Variants in FAM120A observed in about 807,000 individuals in gnomAD.
The protein encoded by FAM120A is constitutive coactivator of PPAR-gamma-like protein 1.
Under a neutral mutation model 109.7 loss-of-function variants are expected in FAM120A, and 15 were observed. The observed-to-expected ratio is 0.14, with a 90% CI of 0.09 to 0.21. FAM120A has a LOEUF of 0.21. FAM120A is among the 10% of genes least tolerant of loss of function. FAM120A has a pLI of 1.00. For synonymous variants in FAM120A, 493 were observed against 572.8 expected, an observed-to-expected ratio of 0.86 and a Z score of 1.99; for missense variants, 899 against 1,439.3, an observed-to-expected ratio of 0.62 and a Z score of 6.07.
At position 93,498,844 on chromosome 9, in the gene FAM120A, G is replaced by T. The variant is rs144744529; in HGVS notation, c.988G>T (p.Ala330Ser). Residue 330 changes from alanine to serine, a missense_variant, in exon 5 of 18, where the codon GCG becomes TCG. Coordinates refer to ENST00000277165, the MANE Select transcript of FAM120A (RefSeq NM_014612.5). The surrounding 1 kb of genome is among the most constrained non-coding windows in gnomAD (Gnocchi z 4.4). Reference sequence around the variant, plus strand: ...TAAGAGAGCAATTGGATATTATTCAGCGACTAGTAAGCCTATGTCATTTCA... The same window carrying T: ...TAAGAGAGCAATTGGATATTATTCATCGACTAGTAAGCCTATGTCATTTCA... ...RFKRAIGYYS[A>S]TSKPMSFHPP... is the part of the protein sequence containing the mutation. 1.2e-5 allele frequency: 20 copies of T among 1,612,606 alleles called. No homozygotes were observed. In the African/African-American group the frequency reaches 2.4e-4, roughly 19 times the overall value.
At chr9:93,480,701 C>T (rs578196775) in intron 3 of FAM120A, among the ~76,000 whole-genome samples, 52 of 152,056 alleles carry the variant, frequency 3.4e-4, no homozygotes, top group African/African-American at 1.2e-3. Flanking sequence ...TAAACTTTTT[C>T]CAATGGCAAT....
At chr9:93,464,004 A>G (rs2131227067) in intron 1 of FAM120A, among the ~76,000 whole-genome samples, 1 of 152,360 alleles carries the variant, frequency 6.6e-6, no homozygotes, top group Non-Finnish European at 1.5e-5. Context: ...ATAGAGGAAT[A>G]CTATTATTCT....
chr9:93,475,729 G>A (rs988006537), intron 2 of FAM120A, among the ~76,000 whole-genome samples: 1 of 152,190 alleles, frequency 6.6e-6, no homozygotes, highest in African/African-American at 2.4e-5. Flanking sequence ...ACATATGTTT[G>A]TGGGTGGTGA....
intron 11 of FAM120A, among the ~76,000 whole-genome samples, chr9:93,548,287 T>G (rs563435600): frequency 2.0e-5 from 3 of 152,226 alleles, no homozygotes; most frequent in African/African-American, 7.2e-5. Flanking sequence ...TGTTTTTGTA[T>G]TTTTAGTAGA....
At chr9:93,513,257 G>A (rs1388504630) in intron 5 of FAM120A, among the ~76,000 whole-genome samples, 1 of 152,224 alleles carries the variant, frequency 6.6e-6, no homozygotes, top group Non-Finnish European at 1.5e-5. Flanking sequence ...ACGTGGAGGT[G>A]CAGATCTAGC....
chr9:93,514,555 T>C (rs1860479950), intron 5 of FAM120A, among the ~76,000 whole-genome samples: 1 of 152,204 alleles, frequency 6.6e-6, no homozygotes, highest in Admixed American at 6.5e-5. Flanking sequence ...TCTTCAGCAG[T>C]GTGCATCTTA....
chr9:93,480,996 C>G (rs1312745323), intron 3 of FAM120A, among the ~76,000 whole-genome samples: 1 of 152,238 alleles, frequency 6.6e-6, no homozygotes, highest in African/African-American at 2.4e-5. Flanking sequence ...AGCATGGGCT[C>G]CAGTCCCAAG....
chr9:93,493,257 C>G (rs1476572133), intron 3 of FAM120A, among the ~76,000 whole-genome samples: 1 of 152,138 alleles, frequency 6.6e-6, no homozygotes, highest in Non-Finnish European at 1.5e-5. Flanking sequence ...GCATTGTGTT[C>G]AAACCAAAGT....
At position 93,554,541 on chromosome 9, in the gene FAM120A, C is replaced by T. The variant is rs897275396; in HGVS notation, c.2275-1841C>T. On this transcript the variant is annotated intron_variant, in intron 12 of 17. Transcript: ENST00000277165. ...TACAAAAATCAGCCAGGCATGGTGG[C>T]GCACGTCTGTAATCCCAGCTACTAA... 5.9e-5 allele frequency among the ~76,000 whole-genome samples: 9 copies of T among 152,182 alleles called. No individual in the cohort carries two copies. The East Asian group carries it at 1.4e-3, about 23-fold the overall frequency.
chr9:93,478,502 A>T (rs1417642253), intron 3 of FAM120A, among the ~76,000 whole-genome samples: 2 of 151,992 alleles, frequency 1.3e-5, no homozygotes, highest in Admixed American at 6.6e-5. Flanking sequence ...TTTGAGACAG[A>T]GTCTTGCTCT....
At chr9:93,536,803 A>T (rs895644544) in intron 10 of FAM120A, among the ~76,000 whole-genome samples, 2 of 152,244 alleles carry the variant, frequency 1.3e-5, no homozygotes, top group Non-Finnish European at 2.9e-5. Flanking sequence ...TTTGAAAGTC[A>T]CGTTGTATTC....
intron 10 of FAM120A, among the ~76,000 whole-genome samples, chr9:93,540,249 T>C (rs911904262): frequency 4.6e-5 from 7 of 152,236 alleles, no homozygotes; most frequent in Admixed American, 4.6e-4. Flanking sequence ...CTGATTGGCC[T>C]AAGGTTCCAC....
chr9:93,501,471 G>C (rs1282858850), intron 5 of FAM120A, among the ~76,000 whole-genome samples: 1 of 152,178 alleles, frequency 6.6e-6, no homozygotes, highest in Non-Finnish European at 1.5e-5. Context: ...TCACTACTCG[G>C]TGGTTTATGG....
intron 3 of FAM120A, among the ~76,000 whole-genome samples, chr9:93,487,198 G>T (rs951731251): frequency 6.6e-6 from 1 of 152,078 alleles, no homozygotes; most frequent in Non-Finnish European, 1.5e-5. Flanking sequence ...GCCTCGCTCT[G>T]TCGCCCAGGC....
chr9:93,494,328 C>T (rs760414958), intron 3 of FAM120A, among the ~76,000 whole-genome samples: 27 of 152,184 alleles, frequency 1.8e-4, no homozygotes, highest in Admixed American at 3.3e-4. Context: ...CGTCACCATC[C>T]ACATTCTTCG....
chr9:93,529,234 A>C (rs1188352168), intron 8 of FAM120A, 119 bp from the exon 9 acceptor site: 3 of 884,082 alleles, frequency 3.4e-6, no homozygotes, highest in Non-Finnish European at 5.1e-6. Context: ...GGTCTCTCTA[A>C]GACAGGACTC....
At chr9:93,538,860 C>T (rs1861606245) in intron 10 of FAM120A, among the ~76,000 whole-genome samples, 1 of 145,422 alleles carries the variant, frequency 6.9e-6, no homozygotes, top group African/African-American at 2.4e-5. Context: ...TGACTAACAC[C>T]TGATGGAAAA....
intron 3 of FAM120A, among the ~76,000 whole-genome samples, chr9:93,481,341 T>C (rs1213289953): frequency 6.6e-6 from 1 of 152,262 alleles, no homozygotes; most frequent in Non-Finnish European, 1.5e-5. Flanking sequence ...AAATGTTTTA[T>C]AGATGTTTGC....
At chr9:93,480,424 C>T (rs1487185645) in intron 3 of FAM120A, among the ~76,000 whole-genome samples, 3 of 152,188 alleles carry the variant, frequency 2.0e-5, no homozygotes, top group African/African-American at 4.8e-5. Flanking sequence ...ACCTCTGTCT[C>T]TACCCAGGCC....
Sources: gnomAD v4.1 joint callset for allele counts (sites outside exome capture counted in the v4.1 genomes callset) on GRCh38, gnomAD v4.1.1 for gene constraint, Gnocchi (gnomAD v3.1) non-coding constraint, MANE v1.5 for transcripts, NCBI Gene and HGNC (gene_info 2026-07-23, HGNC 2026-07-21) for gene names.